NFX1: variants seen among roughly 807,000 people sequenced by gnomAD.
The protein encoded by NFX1 is nuclear transcription factor, X-box binding 1, also known as transcriptional repressor NF-X1.
NFX1 carries 69 observed loss-of-function variants against 137.2 expected under a neutral mutation model. That is an observed-to-expected ratio of 0.50 (90% confidence interval 0.41 to 0.61). The LOEUF (loss-of-function observed/expected upper bound fraction) is 0.61, where lower values mean the gene tolerates loss of function less well. Among genes scored for constraint, NFX1 ranks in the 20% least tolerant of loss-of-function variants. The pLI is 0.00. For synonymous variants in NFX1, 495 were observed against 474.1 expected (o/e 1.04, Z -0.57); for missense variants, 1,167 against 1,391.0 (o/e 0.84, Z 2.56).
chr9:33,354,313 C>T (rs1823742717), intron 18 of NFX1, 126 bp downstream of exon 18: 2 of 752,470 alleles, frequency 2.7e-6, no homozygotes, highest in Non-Finnish European at 4.2e-6. Context: ...ATTCAATAGA[C>T]AATTTGATGT....
chr9:33,301,754 G>A (rs1821575223), intron 3 of NFX1, among the ~76,000 whole-genome samples: 1 of 139,296 alleles, frequency 7.2e-6, no homozygotes, highest in Non-Finnish European at 1.6e-5. Context: ...GGATCATATG[G>A]TAATTCTATT....
intron 12 of NFX1, among the ~76,000 whole-genome samples, chr9:33,341,450 A>C (rs1823216927): frequency 6.6e-6 from 1 of 152,216 alleles, no homozygotes; most frequent in South Asian, 2.1e-4. Context: ...GACACAGCCA[A>C]ACTGTATCAG....
intron 9 of NFX1, among the ~76,000 whole-genome samples, chr9:33,327,707 G>T (rs1175289388): frequency 6.6e-6 from 1 of 152,280 alleles, no homozygotes; most frequent in East Asian, 1.9e-4. Flanking sequence ...GAGGCTGAAA[G>T]TTAAAGAATA....
At position 33,319,083 on chromosome 9, in the gene NFX1, C is replaced by T. The variant is rs774331623; in HGVS notation, c.1862C>T (p.Ser621Leu). The T allele has an allele frequency of 6.2e-7, 1 of 1,614,224 alleles. No individual in the cohort carries two copies. The highest frequency in any genetic ancestry group is 1.1e-5 in the South Asian group (1 of 91,082). ...SRKTCMDPVP[S>L]CGKVCGKPLP... ...AAAACATGCATGGACCCTGTGCCTT[C>T]ATGTGGAAAAGTGTGCGGCAAGCCT... Residue 621 changes from serine to leucine, a missense_variant, in exon 9 of 24, where the codon TCA (serine) becomes TTA (leucine). Ser to Leu is a moderately radical substitution (Grantham distance 145). Transcript: ENST00000379540.
At position 33,342,769 on chromosome 9, in the gene NFX1, G is replaced by C; in HGVS notation, c.2139G>C (p.Leu713Phe). Residue 713 changes from leucine (L) to phenylalanine (F), a missense_variant, in exon 13 of 24, where the codon TTG (leucine) becomes TTC (phenylalanine). By Grantham distance (22) the Leu-to-Phe change is conservative. Coordinates refer to ENST00000379540, the MANE Select transcript of NFX1 (RefSeq NM_002504.6). ...CCVDKEHKCP[L>F]ICGRKLRCGL... The stretch of plus-strand genomic sequence containing the variant: ...AGGATAAGGAGCACAAGTGTCCTTT[G>C]ATTTGTGGGAGGAAACTCCGTTGTG... 1 of 1,613,508 alleles carries C rather than the reference G, an allele frequency of 6.2e-7. No individual in the cohort carries two copies. Among genetic ancestry groups the C allele is most frequent in the African/African-American group, 1.3e-5 (1 of 75,054 alleles).
chr9:33,337,341 A>G (rs1298860228), intron 11 of NFX1, among the ~76,000 whole-genome samples: 1 of 152,202 alleles, frequency 6.6e-6, no homozygotes, highest in Non-Finnish European at 1.5e-5. Context: ...TTTGAAGTAT[A>G]AGGGAGGGTG....
At chr9:33,291,154 C>T (rs78984357) in intron 1 of NFX1, among the ~76,000 whole-genome samples, 1,697 of 152,334 alleles carry the variant, frequency 0.011, 13 homozygotes, top group Middle Eastern at 0.031. Context: ...CACTCACTCC[C>T]CCTCCTGGAG....
At chr9:33,296,777 T>G (rs1245579320) in intron 2 of NFX1, among the ~76,000 whole-genome samples, 3 of 152,214 alleles carry the variant, frequency 2.0e-5, no homozygotes, top group Non-Finnish European at 4.4e-5. Context: ...TTTCTCACCT[T>G]TATAGATAGC....
chr9:33,316,350 A>G (rs1332371901), intron 7 of NFX1, among the ~76,000 whole-genome samples: 2 of 150,580 alleles, frequency 1.3e-5, no homozygotes, highest in African/African-American at 4.9e-5. Context: ...CATCCAGGCC[A>G]GAGTGCAGAT....
At position 33,358,647 on chromosome 9, in the gene NFX1, A is replaced by ATTTTTTTTTTTT. The variant is rs61589629; in HGVS notation, c.2873+3777_2873+3788dup. 1.4e-4 allele frequency among the ~76,000 whole-genome samples: 7 copies of ATTTTTTTTTTTT among 48,472 alleles called. 1 individual carries two copies. Among genetic ancestry groups the ATTTTTTTTTTTT allele is most frequent in the Non-Finnish European group, 1.8e-4 (5 of 28,230 alleles). The allele number at this position is 48,472 out of a possible 152,430, so 31.8% of individuals were successfully genotyped here. A position where few individuals can be genotyped will look rare whatever the true frequency, so the allele number is the denominator to read the frequency against. ...GCAAAAAAATTCTGTGAATGGCTTGATTTTTTTTTTTTTTTTTTTTTTTTT... is the reference window on the plus strand; with the variant it reads ...GCAAAAAAATTCTGTGAATGGCTTGATTTTTTTTTTTTTTTTTTTTTTTTTTTTTTTTTTTTT... On this transcript the variant is annotated intron_variant, in intron 19 of 23. Transcript: ENST00000379540.
At chr9:33,317,757 C>T (rs1226254338) in intron 7 of NFX1, among the ~76,000 whole-genome samples, 1 of 151,802 alleles carries the variant, frequency 6.6e-6, no homozygotes, top group Non-Finnish European at 1.5e-5. Flanking sequence ...AGGTGGATCA[C>T]CTGAGCTCAG....
intron 3 of NFX1, 92 bp downstream of exon 3, chr9:33,301,513 C>T: frequency 7.4e-7 from 1 of 1,359,788 alleles, no homozygotes; most frequent in Non-Finnish European, 1.0e-6. Flanking sequence ...AGTTTAATTT[C>T]TCTTAACTAC....
At chr9:33,316,675 C>T (rs1822174853) in intron 7 of NFX1, among the ~76,000 whole-genome samples, 1 of 152,044 alleles carries the variant, frequency 6.6e-6, no homozygotes, top group Non-Finnish European at 1.5e-5. Context: ...GATTAATAAG[C>T]ATTCTTTTTG....
At chr9:33,364,875 T>G in intron 21 of NFX1, 101 bp downstream of exon 21, 1 of 1,531,160 alleles carries the variant, frequency 6.5e-7, no homozygotes, top group Non-Finnish European at 8.8e-7. Context: ...AGAGTAGTTG[T>G]AGGAAAAAGT....
At chr9:33,324,825 A>G (rs901607335) in intron 9 of NFX1, among the ~76,000 whole-genome samples, 11 of 151,472 alleles carry the variant, frequency 7.3e-5, no homozygotes, top group African/African-American at 2.4e-4. Flanking sequence ...GCTACTCGGG[A>G]GGCTGAGGCA....
Position 33,328,635 on chromosome 9 carries a change from C to T in NFX1, c.1961C>T (p.Ser654Phe). The change falls in exon 10 of 24, where the codon TCT becomes TTT. Residue 654 changes from serine (S) to phenylalanine (F), a missense_variant. Around this residue, in one of 3 missense-constraint regions of NFX1, gnomAD observed 488 missense variants for 691.5 expected, o/e 0.71. Coordinates refer to ENST00000379540, the MANE Select transcript of NFX1 (RefSeq NM_002504.6). The stretch of plus-strand genomic sequence containing the variant: ...CATGAAGGAGACTGTGGACCATGCT[C>T]TCGCACATCAGTTATTTCCTGCAGA... ...LCHEGDCGPC[S>F]RTSVISCRCS... 1 of 1,612,556 alleles carries T rather than the reference C, an allele frequency of 6.2e-7. No individual in the cohort carries two copies. Among genetic ancestry groups the T allele is most frequent in the South Asian group, 1.1e-5 (1 of 90,990 alleles).
At chr9:33,320,696 C>T (rs1280330352) in intron 9 of NFX1, among the ~76,000 whole-genome samples, 1 of 152,198 alleles carries the variant, frequency 6.6e-6, no homozygotes, top group African/African-American at 2.4e-5. Context: ...GGCAACTTCT[C>T]TCCTGAGTGG....
rs772424888 is a variant in NFX1 at position 33,369,861 on chromosome 9, TC to T, written c.3291-40del. 24 of 1,401,592 alleles carry T rather than the reference TC, an allele frequency of 1.7e-5. No individual in the cohort carries two copies. The African/African-American group carries it at 2.0e-4, about 12-fold the overall frequency. The allele number at this position is 1,401,592 out of a possible 1,614,324, so 86.8% of individuals were successfully genotyped here. ...AACTTTCTGAAGTCCTGTATCTGTT[TC>T]CCCCAAAGAAGAAAAGACTGATCAT... On this transcript the variant is annotated intron_variant, in intron 23 of 23. Coordinates refer to ENST00000379540, the MANE Select transcript of NFX1 (RefSeq NM_002504.6).
chr9:33,312,129 A>G (rs982971473), intron 6 of NFX1, among the ~76,000 whole-genome samples: 6 of 152,166 alleles, frequency 3.9e-5, no homozygotes, highest in Non-Finnish European at 7.3e-5. Context: ...GAACCACAGG[A>G]TGAGATGAAT....
Sources: gnomAD v4.1 joint callset for allele counts (sites outside exome capture counted in the v4.1 genomes callset) on GRCh38, gnomAD v4.1.1 for gene constraint, gnomAD v4.1.1 regional missense constraint, MANE v1.5 for transcripts, NCBI Gene and HGNC (gene_info 2026-07-23, HGNC 2026-07-21) for gene names.